ATG4C: variants seen among roughly 807,000 people sequenced by gnomAD.
ATG4C encodes the protein cysteine protease ATG4C.
Under a neutral mutation model 57.6 loss-of-function variants are expected in ATG4C, and 56 were observed. The ratio of observed to expected loss-of-function variants is 0.97; its 90% confidence interval spans 0.78 to 1.21. The LOEUF (loss-of-function observed/expected upper bound fraction) is 1.21. ATG4C is among the 50% of genes most tolerant of loss of function. The pLI, the probability that ATG4C is intolerant of heterozygous loss-of-function variation, is 0.00. For missense variants in ATG4C, 595 were observed against 529.8 expected, an observed-to-expected ratio of 1.12 and a Z score of -1.21; for synonymous variants, 157 against 174.1, an observed-to-expected ratio of 0.90 and a Z score of 0.78.
chr1:62,829,250 T>C, intron 7 of ATG4C, 74 bp downstream of exon 7: 1 of 1,504,072 alleles, frequency 6.6e-7, no homozygotes, highest in Non-Finnish European at 9.1e-7. Context: ...TGCAATTTTT[T>C]TCTGTTAAAT....
chr1:62,804,275 A>T (rs145749257), intron 2 of ATG4C, among the ~76,000 whole-genome samples: 1 of 151,866 alleles, frequency 6.6e-6, no homozygotes, highest in Admixed American at 6.6e-5. Context: ...TATTTTTAGT[A>T]GAGATTGGGT....
intron 10 of ATG4C, among the ~76,000 whole-genome samples, chr1:62,857,582 C>G (rs6656119): frequency 0.45 from 68,557 of 151,872 alleles, 15,593 homozygotes; most frequent in East Asian, 0.66. Context: ...CCCACCCCCC[C>G]AGTCCGTGGA....
rs764286628 is a variant in ATG4C at position 62,833,681 on chromosome 1, C to T, written c.934-357C>T. Among the ~76,000 whole-genome samples, 17 of 152,098 alleles carry T rather than the reference C, an allele frequency of 1.1e-4. No homozygotes were observed. In the East Asian group the frequency reaches 1.3e-3, roughly 12 times the overall value. The stretch of plus-strand genomic sequence containing the variant: ...TTCAAAAAGCCTGACGAAAATTTTA[C>T]GTTGATCACAGTGAAGCTGCACCAG... On this transcript the variant is annotated intron_variant, in intron 7 of 10. Transcript: ENST00000317868.
At position 62,824,745 on chromosome 1, in the gene ATG4C, G is replaced by A. The variant is rs78621236; in HGVS notation, c.796+3536G>A. Among the ~76,000 whole-genome samples the A allele has an allele frequency of 4.2e-3, 619 of 147,084 alleles. 6 individuals carry two copies. Among genetic ancestry groups the A allele is most frequent in the African/African-American group, 0.015 (596 of 39,540 alleles). ...TGCAGTGGTGCGATCATAGCTCACT[G>A]TTACCTCAAACTCCTGAGCTCAAGT... On this transcript the variant is annotated intron_variant, in intron 6 of 10. Coordinates refer to ENST00000317868, the MANE Select transcript of ATG4C (RefSeq NM_032852.4).
chr1:62,826,328 C>T (rs1203122517), intron 6 of ATG4C, among the ~76,000 whole-genome samples: 4 of 151,250 alleles, frequency 2.6e-5, no homozygotes, highest in South Asian at 4.2e-4. Flanking sequence ...CTCCACCTCT[C>T]GGGTTCATGC....
intron 10 of ATG4C, among the ~76,000 whole-genome samples, chr1:62,863,234 T>C (rs1249559195): frequency 1.8e-4 from 27 of 152,054 alleles, no homozygotes; most frequent in Admixed American, 7.9e-4. Flanking sequence ...CTTTAGAAGA[T>C]AATATGTAAA....
chr1:62,859,793 T>C (rs1321215728), intron 10 of ATG4C, among the ~76,000 whole-genome samples: 2 of 152,084 alleles, frequency 1.3e-5, no homozygotes, highest in Non-Finnish European at 2.9e-5. Flanking sequence ...CCTCCCAGGT[T>C]CAAGCAATTC....
chr1:62,863,406 C>T (rs2100372944), intron 10 of ATG4C, among the ~76,000 whole-genome samples: 1 of 152,064 alleles, frequency 6.6e-6, no homozygotes, highest in Admixed American at 6.5e-5. Flanking sequence ...CTTAACAGTT[C>T]TCTGAGGTAG....
At chr1:62,808,675 C>A (rs1460736442) in intron 3 of ATG4C, among the ~76,000 whole-genome samples, 2 of 152,158 alleles carry the variant, frequency 1.3e-5, no homozygotes, top group East Asian at 3.9e-4. Flanking sequence ...TGTATAAATG[C>A]TTAAAAGAGA....
At chr1:62,831,460 A>G (rs1342144949) in intron 7 of ATG4C, among the ~76,000 whole-genome samples, 2 of 152,196 alleles carry the variant, frequency 1.3e-5, no homozygotes, top group African/African-American at 2.4e-5. Flanking sequence ...TTTCAGAGAT[A>G]GTGCCAACAT....
intron 7 of ATG4C, among the ~76,000 whole-genome samples, chr1:62,830,467 C>G (rs763550096): frequency 1.3e-5 from 2 of 152,180 alleles, no homozygotes; most frequent in East Asian, 3.9e-4. Context: ...AAGCTTCATT[C>G]CTGGTGGAAT....
At chr1:62,830,902 T>C (rs1572144376) in intron 7 of ATG4C, among the ~76,000 whole-genome samples, 1 of 152,182 alleles carries the variant, frequency 6.6e-6, no homozygotes, top group Non-Finnish European at 1.5e-5. Flanking sequence ...TGTAAATTTA[T>C]CTCATTTTGC....
chr1:62,819,267 A>C lies in ATG4C; in HGVS notation c.657A>C (p.Glu219Asp), dbSNP rs145971105. Residue 219 changes from glutamate to aspartate, a missense_variant, in exon 5 of 11, where the codon GAA becomes GAC. By Grantham distance (45) the Glu-to-Asp change is conservative (BLOSUM62 2). Coordinates refer to ENST00000317868, the MANE Select transcript of ATG4C (RefSeq NM_032852.4). Reference sequence around the variant, plus strand: ...TTTTTGGCTTACATCAACTAATAGAATATGGAAAGAAGTCTGGGAAAAAAG... The same window carrying C: ...TTTTTGGCTTACATCAACTAATAGACTATGGAAAGAAGTCTGGGAAAAAAG... The part of the protein sequence containing the change: ...LALFGLHQLI[E>D]YGKKSGKKAG... The C allele has an allele frequency of 9.1e-5, 146 of 1,613,234 alleles. No homozygotes were observed. The African/African-American group carries it at 1.8e-3, about 20-fold the overall frequency.
intron 9 of ATG4C, among the ~76,000 whole-genome samples, chr1:62,836,257 T>C (rs1665996003): frequency 1.3e-5 from 2 of 151,986 alleles, no homozygotes; most frequent in Non-Finnish European, 2.9e-5. Context: ...ATAGTGAAAA[T>C]GGAAAGGAAT....
chr1:62,809,943 G>A (rs1012360050), intron 3 of ATG4C, among the ~76,000 whole-genome samples: 3 of 152,072 alleles, frequency 2.0e-5, no homozygotes, highest in Non-Finnish European at 2.9e-5. Context: ...TGAAGAAATA[G>A]GAACTGAAAC....
chr1:62,808,735 A>G (rs1165514615), intron 3 of ATG4C, among the ~76,000 whole-genome samples: 2 of 152,140 alleles, frequency 1.3e-5, no homozygotes, highest in Non-Finnish European at 2.9e-5. Context: ...GCAATGAGAA[A>G]TTACTAATGA....
intron 3 of ATG4C, among the ~76,000 whole-genome samples, chr1:62,810,998 T>C (rs571514521): frequency 1.3e-5 from 2 of 152,320 alleles, no homozygotes; most frequent in Admixed American, 1.3e-4. Context: ...TTAGTGAAAT[T>C]ACTTTAGCTG....
At chr1:62,861,372 C>T (rs1164232296) in intron 10 of ATG4C, among the ~76,000 whole-genome samples, 3 of 151,840 alleles carry the variant, frequency 2.0e-5, no homozygotes, top group African/African-American at 4.8e-5. Flanking sequence ...ATAGTGAGAC[C>T]CCATTTGCAT....
chr1:62,792,983 T>A (rs1386718598), intron 1 of ATG4C, among the ~76,000 whole-genome samples: 1 of 150,518 alleles, frequency 6.6e-6, no homozygotes, highest in Non-Finnish European at 1.5e-5. Context: ...ACGTCCCGGG[T>A]TCACGCCATT....
Sources: gnomAD v4.1 joint callset for allele counts (sites outside exome capture counted in the v4.1 genomes callset) on GRCh38, gnomAD v4.1.1 for gene constraint, MANE v1.5 for transcripts, NCBI Gene and HGNC (gene_info 2026-07-23, HGNC 2026-07-21) for gene names.